Variants in PPP2R2B observed in about 807,000 individuals in gnomAD.
PPP2R2B encodes the protein serine/threonine-protein phosphatase 2A 55 kDa regulatory subunit B beta isoform.
Under a neutral mutation model 46.0 loss-of-function variants are expected in PPP2R2B, and 5 were observed. The observed-to-expected ratio is 0.11, with a 90% confidence interval of 0.06 to 0.23. PPP2R2B has a LOEUF of 0.23. Among genes scored for constraint, PPP2R2B ranks in the 10% least tolerant of loss-of-function variants. The probability of loss-of-function intolerance (pLI) is 1.00; values close to 1 mark genes in which losing one functional copy is unlikely to be tolerated. For synonymous variants in PPP2R2B, 215 were observed against 206.7 expected, an observed-to-expected ratio of 1.04 and a Z score of -0.34; for missense variants, 367 against 575.0, an observed-to-expected ratio of 0.64 and a Z score of 3.70.
At chr5:146,914,594 G>A (rs1164887472) in intron 1 of PPP2R2B, among the ~76,000 whole-genome samples, 1 of 152,196 alleles carries the variant, frequency 6.6e-6, no homozygotes, top group Non-Finnish European at 1.5e-5. Flanking sequence ...AACCAATTAG[G>A]CATTCATATG....
At chr5:146,878,903 A>G (rs989632637), upstream of PPP2R2B, 1 of 1,151,210 alleles carries the variant, frequency 8.7e-7, no homozygotes, top group African/African-American at 1.6e-5. The surrounding 1 kb of genome is among the most constrained non-coding windows in gnomAD (Gnocchi z 4.5). Flanking sequence ...GCAGCCGCGA[A>G]TCGGCACCTG....
chr5:146,834,658 G>A lies in PPP2R2B; in HGVS notation c.70+43344C>T, dbSNP rs369119422. On this transcript the variant is annotated intron_variant, in intron 2 of 9. Transcript: ENST00000394411. ...TTTGTTGTTTTTTTCTTTAAGTTTA[G>A]GTTCTGGGAGTACACATGCAGGTTT... 3.3e-5 allele frequency among the ~76,000 whole-genome samples: 5 copies of A among 152,050 alleles called. No individual in the cohort carries two copies. In the East Asian group the frequency reaches 5.8e-4, roughly 18 times the overall value.
chr5:146,961,641 G>A (rs985540461), intron 1 of PPP2R2B, among the ~76,000 whole-genome samples: 2 of 152,030 alleles, frequency 1.3e-5, no homozygotes, highest in African/African-American at 4.8e-5. Context: ...GTTTGGTGAT[G>A]CCTTTTATAT....
chr5:146,905,171 T>C (rs945107951), intron 1 of PPP2R2B, among the ~76,000 whole-genome samples: 6 of 152,146 alleles, frequency 3.9e-5, no homozygotes, highest in African/African-American at 1.2e-4. Context: ...CATGGAGCAA[T>C]TGGGACTCTC....
At chr5:146,955,774 CTTTTT>C (rs5872000) in intron 1 of PPP2R2B, among the ~76,000 whole-genome samples, 3 of 115,658 alleles carry the variant, frequency 2.6e-5, no homozygotes, top group Non-Finnish European at 3.4e-5. Flanking sequence ...CTTTCTATTA[CTTTTT>C]TTTTTTTTTT....
intron 1 of PPP2R2B, among the ~76,000 whole-genome samples, chr5:146,976,370 C>CG (rs1752907197): frequency 1.3e-5 from 2 of 152,000 alleles, no homozygotes; most frequent in Non-Finnish European, 2.9e-5. Flanking sequence ...CTCCTGGCCT[C>CG]AAGTGATCCA....
chr5:146,665,082 G>A (rs322975), intron 5 of PPP2R2B, among the ~76,000 whole-genome samples: 1 of 151,970 alleles, frequency 6.6e-6, no homozygotes, highest in Non-Finnish European at 1.5e-5. Context: ...AAGGGCCCCA[G>A]GACTTTCAGA....
intron 1 of PPP2R2B, among the ~76,000 whole-genome samples, chr5:146,896,573 T>C (rs2151431890): frequency 6.6e-6 from 1 of 152,368 alleles, no homozygotes; most frequent in Non-Finnish European, 1.5e-5. Flanking sequence ...AGGATGATTT[T>C]TCTCTCAAAG....
At chr5:146,950,124 G>T (rs901277765) in intron 1 of PPP2R2B, among the ~76,000 whole-genome samples, 2 of 151,778 alleles carry the variant, frequency 1.3e-5, no homozygotes, top group Middle Eastern at 3.4e-3. Flanking sequence ...ATAATTGGAA[G>T]GTTTGTAACG....
intron 2 of PPP2R2B, among the ~76,000 whole-genome samples, chr5:146,797,381 G>T (rs1287264335): frequency 6.6e-6 from 1 of 152,176 alleles, no homozygotes; most frequent in Non-Finnish European, 1.5e-5. Context: ...CAGTGGTTTT[G>T]TGTGTACTGA....
chr5:146,943,628 T>C (rs1413606445), intron 1 of PPP2R2B, among the ~76,000 whole-genome samples: 1 of 152,190 alleles, frequency 6.6e-6, no homozygotes, highest in Non-Finnish European at 1.5e-5. Context: ...CTTTCAACTC[T>C]TTAGAATGGA....
intron 5 of PPP2R2B, among the ~76,000 whole-genome samples, chr5:146,671,906 G>A (rs1015346359): frequency 6.6e-6 from 1 of 151,944 alleles, no homozygotes; most frequent in East Asian, 1.9e-4. Context: ...GAGGACTCGG[G>A]GACAGGTACA....
At chr5:146,747,867 T>C (rs969051127) in intron 2 of PPP2R2B, among the ~76,000 whole-genome samples, 1 of 152,188 alleles carries the variant, frequency 6.6e-6, no homozygotes, top group Non-Finnish European at 1.5e-5. Context: ...GAATTTTTTT[T>C]TGGCCCAAGA....
At chr5:146,620,013 C>A (rs745829128) in intron 7 of PPP2R2B, among the ~76,000 whole-genome samples, 2 of 152,152 alleles carry the variant, frequency 1.3e-5, no homozygotes, top group Non-Finnish European at 2.9e-5. Context: ...ACAACAAGAG[C>A]ACCTGTTACC....
intron 1 of PPP2R2B, among the ~76,000 whole-genome samples, chr5:147,036,799 AC>A (rs1756059368): frequency 1.3e-5 from 2 of 152,182 alleles, no homozygotes; most frequent in South Asian, 4.1e-4. Context: ...AAATCCATTG[AC>A]CCATAGCATT....
intron 2 of PPP2R2B, among the ~76,000 whole-genome samples, chr5:146,735,159 G>A (rs1752459919): frequency 6.6e-6 from 1 of 152,176 alleles, no homozygotes; most frequent in South Asian, 2.1e-4. Context: ...CTCCGAGTGT[G>A]CCGATGATAA....
At chr5:146,851,091 C>A (rs1187778587) in intron 2 of PPP2R2B, among the ~76,000 whole-genome samples, 1 of 152,062 alleles carries the variant, frequency 6.6e-6, no homozygotes, top group Non-Finnish European at 1.5e-5. Context: ...TTCAATATTA[C>A]ATAGAAGTGG....
At chr5:146,986,493 A>G (rs1017465613) in intron 1 of PPP2R2B, among the ~76,000 whole-genome samples, 55 of 152,346 alleles carry the variant, frequency 3.6e-4, no homozygotes, top group African/African-American at 1.3e-3. Flanking sequence ...GCTATTTTGA[A>G]GATGCTCAAC....
chr5:146,709,755 C>T (rs1426931231), intron 2 of PPP2R2B, among the ~76,000 whole-genome samples: 1 of 152,154 alleles, frequency 6.6e-6, no homozygotes, highest in Non-Finnish European at 1.5e-5. Context: ...GAGAATGGGA[C>T]AATATCTTTG....
Sources: allele counts gnomAD v4.1 joint callset (sites outside exome capture counted in the v4.1 genomes callset), GRCh38; gene constraint gnomAD v4.1.1; non-coding constraint Gnocchi (gnomAD v3.1); transcripts MANE v1.5; gene names NCBI Gene and HGNC (gene_info 2026-07-23, HGNC 2026-07-21).